Variants in SLC37A2 observed in about 807,000 individuals in gnomAD.
The protein encoded by SLC37A2 is glucose-6-phosphate exchanger SLC37A2.
In SLC37A2, 59 loss-of-function variants were observed where a neutral mutation model predicts 70.7. The ratio of observed to expected loss-of-function variants is 0.83; its 90% CI spans 0.68 to 1.04. The LOEUF is 1.04. SLC37A2 is among the 50% of genes least tolerant of loss of function. The pLI is 0.00. For missense variants in SLC37A2, 580 were observed against 658.1 expected (o/e 0.88, Z 1.30); for synonymous variants, 257 against 262.1 (o/e 0.98, Z 0.19).
At chr11:125,066,284 C>T (rs1481398747) in intron 1 of SLC37A2, among the ~76,000 whole-genome samples, 4 of 152,238 alleles carry the variant, frequency 2.6e-5, no homozygotes, top group Non-Finnish European at 5.9e-5. Flanking sequence ...TGCTTACAGT[C>T]CCAGCTACTC....
chr11:125,077,672 C>A lies in SLC37A2; in HGVS notation c.314+144C>A, dbSNP rs1048422676. On this transcript the variant is annotated intron_variant, in intron 4 of 17. Coordinates refer to ENST00000403796, the MANE Select transcript of SLC37A2 (RefSeq NM_001145290.2). ...CACAGCCATCCTCCTTGCCTTACCG[C>A]GGTCGCAGAGACTGCTCCTTCGCCT... 11 of 627,650 alleles carry A rather than the reference C, an allele frequency of 1.8e-5. No individual in the cohort carries two copies. In the African/African-American group the frequency reaches 1.8e-4, roughly 11 times the overall value. The allele number at this position is 627,650 out of a possible 1,614,324, so 38.9% of individuals were successfully genotyped here.
At chr11:125,077,907 G>A (rs555706244) in intron 4 of SLC37A2, among the ~76,000 whole-genome samples, 1 of 152,162 alleles carries the variant, frequency 6.6e-6, no homozygotes, top group Admixed American at 6.5e-5. Flanking sequence ...AGGAATCCAC[G>A]ATCAATAAGG....
chr11:125,063,662 T>C lies in SLC37A2; in HGVS notation c.59+236T>C, dbSNP rs1191348792. Among the ~76,000 whole-genome samples, 1 of 152,134 alleles carries C rather than the reference T, an allele frequency of 6.6e-6. No individual in the cohort carries two copies. The highest frequency in any genetic ancestry group is 1.5e-5 in the Non-Finnish European group (1 of 68,010). On this transcript the variant is annotated intron_variant, in intron 1 of 17. Transcript: ENST00000403796. The surrounding 1 kb of genome is among the most constrained non-coding windows in gnomAD (Gnocchi z 5.4). ...CCCCGCGACGCTGGCTCGGTGACAC[T>C]GGGGAAGAACAGGCTGCCAGGGAGG...
Position 125,079,711 on chromosome 11 carries a change from G to A in SLC37A2, c.478G>A (p.Gly160Ser). 6.2e-7 allele frequency: 1 copy of A among 1,609,132 alleles called. No homozygotes were observed. Among genetic ancestry groups the A allele is most frequent in the Non-Finnish European group, 8.5e-7 (1 of 1,177,678 alleles). The change falls in exon 6 of 18, where the codon GGC (glycine) becomes AGC (serine). Residue 160 changes from glycine (G) to serine (S), a missense_variant. Transcript: ENST00000403796. ...QVCNGLVQTT[G>S]WPSVVTCVGN... is the part of the protein sequence containing the mutation. Reference sequence around the variant, plus strand: ...CTGTAATGGACTCGTCCAGACCACAGGCTGGCCCTCTGTGGTGACCTGTGT... The same window carrying A: ...CTGTAATGGACTCGTCCAGACCACAAGCTGGCCCTCTGTGGTGACCTGTGT...
chr11:125,078,472 G>C (rs1489014425), intron 4 of SLC37A2, among the ~76,000 whole-genome samples: 2 of 152,178 alleles, frequency 1.3e-5, no homozygotes, highest in Non-Finnish European at 2.9e-5. Context: ...TGATAGAGGT[G>C]GAAAGAGGCT....
At chr11:125,079,020 C>A (rs1949119155) in intron 4 of SLC37A2, 92 bp from the exon 5 acceptor site, 1 of 1,553,008 alleles carries the variant, frequency 6.4e-7, no homozygotes, top group Non-Finnish European at 8.8e-7. Flanking sequence ...TTGGCCAGAG[C>A]CACTTCCTAG....
At chr11:125,081,629 C>T (rs1223314968) in intron 8 of SLC37A2, 125 bp from the exon 9 acceptor site, 16 of 1,417,526 alleles carry the variant, frequency 1.1e-5, no homozygotes, top group Non-Finnish European at 9.5e-7. Flanking sequence ...GCAGGTCAGT[C>T]CAGCCCGAGA....
rs1215018809 is a variant in SLC37A2 at position 125,079,767 on chromosome 11, G to A, written c.527+7G>A. The A allele has an allele frequency of 3.1e-6, 5 of 1,604,962 alleles. No homozygotes were observed. Among genetic ancestry groups the A allele is most frequent in the East Asian group, 2.2e-5 (1 of 44,754 alleles). Reference sequence around the variant, plus strand: ...ACTGGTTCGGGAAGGGGAAGTGAGTGTAACAAGGGAGGAGGAGTGGGAAGG... The same window carrying A: ...ACTGGTTCGGGAAGGGGAAGTGAGTATAACAAGGGAGGAGGAGTGGGAAGG... On this transcript the variant is annotated splice_region_variant and intron_variant, in intron 6 of 17. Transcript: ENST00000403796.
At chr11:125,084,897 G>A in intron 13 of SLC37A2, 24 bp downstream of exon 13, 1 of 1,612,968 alleles carries the variant, frequency 6.2e-7, no homozygotes, top group Non-Finnish European at 8.5e-7. Context: ...TGCAAGTCCT[G>A]CCAGGCCAGG....
intron 17 of SLC37A2, 54 bp from the exon 18 acceptor site, chr11:125,088,065 A>C: frequency 6.5e-7 from 1 of 1,545,512 alleles, no homozygotes; most frequent in Non-Finnish European, 8.8e-7. Context: ...ACTCAGCAGG[A>C]GCTTATGAAG....
chr11:125,064,446 G>A (rs1286464989), intron 1 of SLC37A2, among the ~76,000 whole-genome samples: 1 of 152,166 alleles, frequency 6.6e-6, no homozygotes, highest in African/African-American at 2.4e-5. Context: ...GGATTGAGGA[G>A]TCCCCTTTAG....
At chr11:125,065,937 A>G (rs1206260538) in intron 1 of SLC37A2, among the ~76,000 whole-genome samples, 1 of 152,252 alleles carries the variant, frequency 6.6e-6, no homozygotes, top group African/African-American at 2.4e-5. Flanking sequence ...GCCTAAGAAG[A>G]AAGAGAAAGG....
intron 1 of SLC37A2, 99 bp from the exon 2 acceptor site, chr11:125,076,658 C>T (rs1222536345): frequency 1.8e-6 from 2 of 1,101,794 alleles, no homozygotes; most frequent in Non-Finnish European, 2.7e-6. Context: ...GGTCCTCAGG[C>T]CCTGGGACTG....
rs1292372550 is a variant in SLC37A2, at chr11:125,080,568, T to C, written c.528-46T>C. Reference sequence around the variant, plus strand: ...GGCAGTTGCTATGAACAATGTGCTTTGCTTTTTACTTTTTATACCTCTTCC... The same window carrying C: ...GGCAGTTGCTATGAACAATGTGCTTCGCTTTTTACTTTTTATACCTCTTCC... On this transcript the variant is annotated intron_variant, in intron 6 of 17. Coordinates refer to ENST00000403796, the MANE Select transcript of SLC37A2 (RefSeq NM_001145290.2). This position sits in a 1 kb window ranked among gnomAD's most constrained non-coding sequence, Gnocchi z 4.3. 1 of 1,412,856 alleles carries C rather than the reference T, an allele frequency of 7.1e-7. No individual in the cohort carries two copies. Among genetic ancestry groups the C allele is most frequent in the Non-Finnish European group, 9.3e-7 (1 of 1,071,984 alleles). The allele number at this position is 1,412,856 out of a possible 1,614,324, so 87.5% of individuals were successfully genotyped here.
intron 4 of SLC37A2, among the ~76,000 whole-genome samples, chr11:125,078,153 G>A (rs1949110753): frequency 6.6e-6 from 1 of 152,174 alleles, no homozygotes; most frequent in Non-Finnish European, 1.5e-5. Context: ...TGGAGACCTG[G>A]GCAGAAGGAA....
Position 125,080,771 on chromosome 11 carries a change from C to T in SLC37A2, c.685C>T (p.Leu229Phe). The T allele has an allele frequency of 6.7e-7, 1 of 1,486,618 alleles. No homozygotes were observed. The highest frequency in any genetic ancestry group is 9.0e-7 in the Non-Finnish European group (1 of 1,111,124). The allele number at this position is 1,486,618 out of a possible 1,614,324, so 92.1% of individuals were successfully genotyped here. A position where few individuals can be genotyped will look rare whatever the true frequency, so the allele number is the denominator to read the frequency against. The change falls in exon 7 of 18, where the codon CTC (leucine) becomes TTC (phenylalanine). Residue 229 changes from leucine (L) to phenylalanine (F), a missense_variant. Coordinates refer to ENST00000403796, the MANE Select transcript of SLC37A2 (RefSeq NM_001145290.2). This position sits in a 1 kb window ranked among gnomAD's most constrained non-coding sequence, Gnocchi z 4.3. ...CATGGGCGTCATCACCTTCCTCTTC[C>T]TCATCGAACGTGAGTGGGCCCCTCA... ...AVMGVITFLF[L>F]IEHPEDVDCA...
chr11:125,065,762 A>T (rs1203846085), intron 1 of SLC37A2, among the ~76,000 whole-genome samples: 1 of 152,194 alleles, frequency 6.6e-6, no homozygotes, highest in African/African-American at 2.4e-5. Flanking sequence ...GTAAAAAAAA[A>T]ATTCTTACTG....
At chr11:125,087,994 A>T in intron 17 of SLC37A2, 125 bp from the exon 18 acceptor site, 1 of 1,047,304 alleles carries the variant, frequency 9.5e-7, no homozygotes, top group Non-Finnish European at 1.4e-6. Flanking sequence ...AGGCCTCATT[A>T]CAGAGAACTG....
At chr11:125,064,660 AT>A (rs1172126050) in intron 1 of SLC37A2, among the ~76,000 whole-genome samples, 1 of 152,190 alleles carries the variant, frequency 6.6e-6, no homozygotes, top group Non-Finnish European at 1.5e-5. Context: ...GTTAAAAGAT[AT>A]TTTTCAGAAA....
Sources: gnomAD v4.1 joint callset for allele counts (sites outside exome capture counted in the v4.1 genomes callset) on GRCh38, gnomAD v4.1.1 for gene constraint, Gnocchi (gnomAD v3.1) non-coding constraint, MANE v1.5 for transcripts, NCBI Gene and HGNC (gene_info 2026-07-23, HGNC 2026-07-21) for gene names.